AKAP9: variants seen among roughly 807,000 people sequenced by gnomAD.
The protein encoded by AKAP9 is A-kinase anchoring protein 9, also known as A-kinase anchor protein 9.
In AKAP9, 311 loss-of-function variants were observed where a neutral mutation model predicts 488.5. The ratio of observed to expected loss-of-function variants is 0.64; its 90% CI spans 0.58 to 0.70. The LOEUF is 0.70. Ranked by LOEUF, AKAP9 falls within the 30% of genes least tolerant of loss-of-function variation. The pLI, the probability that AKAP9 is intolerant of heterozygous loss-of-function variation, is 0.00. For missense variants in AKAP9, 4,215 were observed against 4,374.5 expected, an observed-to-expected ratio of 0.96 and a Z score of 1.03; for synonymous variants, 1,462 against 1,483.5, an observed-to-expected ratio of 0.99 and a Z score of 0.33.
intron 14 of AKAP9, among the ~76,000 whole-genome samples, chr7:92,026,277 C>T (rs1286326630): frequency 6.6e-6 from 1 of 152,112 alleles, no homozygotes; most frequent in Non-Finnish European, 1.5e-5. Context: ...TAAACACTTT[C>T]AAATACTGTA....
chr7:91,950,236 T>G, intron 1 of AKAP9, among the ~76,000 whole-genome samples: 1 of 149,528 alleles, frequency 6.7e-6, no homozygotes, highest in Non-Finnish European at 1.5e-5. Context: ...ACTTTTTTTT[T>G]TTTTTTTTTT....
intron 45 of AKAP9, 100 bp from the exon 46 acceptor site, chr7:92,102,485 TACTACCACC>T: frequency 1.8e-6 from 1 of 558,462 alleles, no homozygotes; most frequent in Non-Finnish European, 3.1e-6. Flanking sequence ...CTACTACTAC[TACTACCACC>T]ACCACCACCA....
At chr7:92,049,674 T>A (rs1386783550) in intron 21 of AKAP9, among the ~76,000 whole-genome samples, 1 of 152,088 alleles carries the variant, frequency 6.6e-6, no homozygotes, top group Non-Finnish European at 1.5e-5. Context: ...CTTTCTCATA[T>A]TTCTATTTTA....
chr7:91,976,335 C>T (rs1187614968), intron 2 of AKAP9, among the ~76,000 whole-genome samples: 1 of 152,192 alleles, frequency 6.6e-6, no homozygotes, highest in Non-Finnish European at 1.5e-5. Flanking sequence ...GATCCTCCCA[C>T]CTCAGCCCGA....
chr7:91,987,198 A>T (rs1797208648), intron 3 of AKAP9, among the ~76,000 whole-genome samples: 1 of 152,116 alleles, frequency 6.6e-6, no homozygotes, highest in Non-Finnish European at 1.5e-5. Flanking sequence ...TGGGCGGATC[A>T]CCTGAGGTTA....
chr7:91,966,944 T>C (rs1157126641), intron 1 of AKAP9, among the ~76,000 whole-genome samples: 1 of 152,224 alleles, frequency 6.6e-6, no homozygotes, highest in Admixed American at 6.5e-5. Context: ...ATTCTTCTAA[T>C]CCACAAACAT....
intron 9 of AKAP9, among the ~76,000 whole-genome samples, 185 bp from the exon 10 acceptor site, chr7:92,014,064 G>C (rs932877409): frequency 6.6e-6 from 1 of 152,140 alleles, no homozygotes; most frequent in African/African-American, 2.4e-5. Context: ...CCATTTTGTG[G>C]ATAGAAATGG....
rs1427583067 is a variant in AKAP9, at chr7:92,038,425, G to A, written c.4345G>A (p.Val1449Met). ...QLEEEVAKVI[V>M]SMSIAFAQQT... ...TTTGCTTTTATTTCTTTAGGTTATTGTGTCAATGAGTATAGCATTTGCTCA... is the reference window on the plus strand; with the variant it reads ...TTTGCTTTTATTTCTTTAGGTTATTATGTCAATGAGTATAGCATTTGCTCA... The change falls in exon 17 of 50, where the codon GTG becomes ATG. Residue 1449 changes from valine (V) to methionine (M), a missense_variant. By Grantham distance (21) the Val-to-Met change is conservative (BLOSUM62 1). Around this residue, in one of 5 missense-constraint regions of AKAP9, gnomAD observed 2,361 missense variants for 2,430.0 expected, o/e 0.97. Coordinates refer to ENST00000356239, the MANE Select transcript of AKAP9 (RefSeq NM_005751.5). 6 of 1,609,418 alleles carry A rather than the reference G, an allele frequency of 3.7e-6. No homozygotes were observed. The highest frequency in any genetic ancestry group is 5.1e-6 in the Non-Finnish European group (6 of 1,176,306).
At chr7:92,060,050 A>G (rs971387613) in intron 22 of AKAP9, among the ~76,000 whole-genome samples, 2 of 151,996 alleles carry the variant, frequency 1.3e-5, no homozygotes, top group African/African-American at 2.4e-5. Context: ...GAATAATTGC[A>G]TACTGGATAT....
Position 91,971,982 on chromosome 7 carries a change from CT to C in AKAP9, c.49-1709del, listed in dbSNP as rs71107846. On this transcript the variant is annotated intron_variant, in intron 1 of 49. Transcript: ENST00000356239. ...ATAGAGTCTTTTATGTTTTGCCTCT[CT>C]TTTTTTTTTTTTTTTTTTTGCACTA... is the stretch of plus-strand genomic sequence containing the variant. 4.7e-3 allele frequency among the ~76,000 whole-genome samples: 434 copies of C among 91,870 alleles called. 1 individual carries two copies. The highest frequency in any genetic ancestry group is 9.8e-3 in the Admixed American group (78 of 7,992). The allele number at this position is 91,870 out of a possible 152,430, so 60.3% of individuals were successfully genotyped here.
chr7:92,057,301 CTT>C (rs1808956563), intron 22 of AKAP9, among the ~76,000 whole-genome samples: 1 of 152,042 alleles, frequency 6.6e-6, no homozygotes, highest in African/African-American at 2.4e-5. Context: ...ACTTGAATAA[CTT>C]ATTACTAATG....
rs573052213 is a variant in AKAP9, at chr7:92,002,548, T to G, written c.2631T>G (p.Asp877Glu). Reference protein sequence around the residue: ...EYACLLKVKDDLEDSKNKQEL... With the variant: ...EYACLLKVKDELEDSKNKQEL... Reference sequence around the variant, plus strand: ...CTTGCCTTCTCAAAGTAAAAGATGATTTAGAAGACAGTAAAAATAAACAGG... The same window carrying G: ...CTTGCCTTCTCAAAGTAAAAGATGAGTTAGAAGACAGTAAAAATAAACAGG... The change falls in exon 8 of 50, where the codon GAT becomes GAG. Residue 877 changes from aspartate to glutamate, a missense_variant. Asp to Glu is a conservative substitution (Grantham distance 45). This residue lies in a region of AKAP9 where 2,361 missense variants were observed against 2,430.0 expected (regional missense o/e 0.97). Transcript: ENST00000356239. 1.9e-6 allele frequency: 3 copies of G among 1,610,012 alleles called. No homozygotes were observed. The South Asian group carries it at 3.3e-5, about 18-fold the overall frequency.
At chr7:92,093,380 T>C (rs1815974531) in intron 39 of AKAP9, 64 bp downstream of exon 39, 2 of 1,377,016 alleles carry the variant, frequency 1.5e-6, no homozygotes, top group South Asian at 1.2e-5. Flanking sequence ...TCATAAACAC[T>C]GTGCAAATAT....
rs756245027 is a variant in AKAP9, at chr7:92,096,848, G to C, written c.9889G>C (p.Glu3297Gln). 6.2e-7 allele frequency: 1 copy of C among 1,614,196 alleles called. No individual in the cohort carries two copies. Among genetic ancestry groups the C allele is most frequent in the South Asian group, 1.1e-5 (1 of 91,080 alleles). Residue 3297 changes from glutamate to glutamine, a missense_variant, in exon 41 of 50, where the codon GAG (glutamate) becomes CAG (glutamine). By Grantham distance (29) the Glu-to-Gln change is conservative. Coordinates refer to ENST00000356239, the MANE Select transcript of AKAP9 (RefSeq NM_005751.5). ...QLSEEQGRNL[E>Q]LQVLLESEKV... Reference sequence around the variant, plus strand: ...GTCAGAAGAACAAGGTCGAAACTTAGAGCTTCAGGTACTTCTTGAATCTGA... The same window carrying C: ...GTCAGAAGAACAAGGTCGAAACTTACAGCTTCAGGTACTTCTTGAATCTGA...
chr7:91,940,922 T>C lies in AKAP9; in HGVS notation c.-178T>C. The stretch of plus-strand genomic sequence containing the variant: ...GCGGTGACGGCGCTTCCCGTGCGGC[T>C]GAGGACGATCCGCCAGTGAGCGCGG... On this transcript the variant is annotated 5_prime_UTR_variant, in exon 1 of 50. Coordinates refer to ENST00000356239, the MANE Select transcript of AKAP9 (RefSeq NM_005751.5). 1 of 710,214 alleles carries C rather than the reference T, an allele frequency of 1.4e-6. No homozygotes were observed. Among genetic ancestry groups the C allele is most frequent in the Non-Finnish European group, 2.5e-6 (1 of 398,430 alleles). The allele number at this position is 710,214 out of a possible 1,614,324, so 44.0% of individuals were successfully genotyped here.
At chr7:92,042,828 T>A in intron 20 of AKAP9, 57 bp downstream of exon 20, 1 of 1,171,718 alleles carries the variant, frequency 8.5e-7, no homozygotes, top group Non-Finnish European at 1.3e-6. Context: ...TGTTTCAATG[T>A]AATAGACTTT....
intron 21 of AKAP9, among the ~76,000 whole-genome samples, chr7:92,047,067 G>C (rs1389847345): frequency 6.6e-6 from 1 of 152,134 alleles, no homozygotes; most frequent in African/African-American, 2.4e-5. Context: ...TTTAACTCAA[G>C]CACAGAGGAT....
chr7:91,975,441 A>G (rs954249280), intron 2 of AKAP9, among the ~76,000 whole-genome samples: 1 of 152,224 alleles, frequency 6.6e-6, no homozygotes, highest in African/African-American at 2.4e-5. Flanking sequence ...AAATTTGTAT[A>G]TTGATCTTGT....
chr7:92,005,252 T>G (rs1351771260), intron 8 of AKAP9, among the ~76,000 whole-genome samples: 1 of 152,302 alleles, frequency 6.6e-6, no homozygotes, highest in South Asian at 2.1e-4. Flanking sequence ...GCATCGATGT[T>G]CATCAGGATA....
Sources: gnomAD v4.1 joint callset for allele counts (sites outside exome capture counted in the v4.1 genomes callset) on GRCh38, gnomAD v4.1.1 for gene constraint, gnomAD v4.1.1 regional missense constraint, MANE v1.5 for transcripts, NCBI Gene and HGNC (gene_info 2026-07-23, HGNC 2026-07-21) for gene names.